BATF: variants seen among roughly 807,000 people sequenced by gnomAD.
The protein encoded by BATF is basic leucine zipper transcriptional factor ATF-like.
BATF carries 5 observed loss-of-function variants against 13.7 expected under a neutral mutation model. The observed-to-expected ratio is 0.36, with a 90% confidence interval of 0.19 to 0.77. BATF has a LOEUF of 0.77. Among genes scored for constraint, BATF ranks in the 30% least tolerant of loss-of-function variants. The pLI, the probability that BATF is intolerant of heterozygous loss-of-function variation, is 0.51. For missense variants in BATF, 124 were observed against 163.0 expected (o/e 0.76, Z 1.30); for synonymous variants, 72 against 67.5 (o/e 1.07, Z -0.33).
intron 2 of BATF, among the ~76,000 whole-genome samples, chr14:75,533,028 G>T (rs923388987): frequency 6.6e-6 from 1 of 152,044 alleles, no homozygotes; most frequent in Non-Finnish European, 1.5e-5. Context: ...TAAAAATTAG[G>T]CTATTTTCAT....
intron 2 of BATF, among the ~76,000 whole-genome samples, chr14:75,538,449 A>G (rs1887847619): frequency 6.6e-6 from 1 of 152,214 alleles, no homozygotes; most frequent in African/African-American, 2.4e-5. Flanking sequence ...GCCAGGGTTG[A>G]GAATCAGAAG....
At chr14:75,531,783 C>T (rs1168741962) in intron 2 of BATF, among the ~76,000 whole-genome samples, 2 of 152,138 alleles carry the variant, frequency 1.3e-5, no homozygotes. Flanking sequence ...CACTATTGTT[C>T]TTGGCCTTCT....
rs767726640 is a variant in BATF at position 75,525,137 on chromosome 14, C to G, written c.117C>G (p.Ala39=). The G allele has an allele frequency of 6.2e-7, 1 of 1,613,964 alleles. No individual in the cohort carries two copies. Among genetic ancestry groups the G allele is most frequent in the East Asian group, 2.2e-5 (1 of 44,876 alleles). Residue 39 remains alanine (A), a synonymous_variant, in exon 2 of 3, where the codon GCC becomes GCG. Transcript: ENST00000286639. ...AGAGGAGGGAGAAAAATCGTATTGC[C>G]GCCCAGAAGAGCCGACAGAGGCAGA... The part of the protein sequence containing the change: ...RVQRREKNRI[A]AQKSRQRQTQ...
At chr14:75,525,524 CATG>C (rs1253315138) in intron 2 of BATF, among the ~76,000 whole-genome samples, 1 of 151,848 alleles carries the variant, frequency 6.6e-6, no homozygotes, top group Non-Finnish European at 1.5e-5. Context: ...ATTAGCCAGG[CATG>C]GTGGTGCATG....
chr14:75,526,901 A>G (rs1465199757), intron 2 of BATF, among the ~76,000 whole-genome samples: 2 of 152,224 alleles, frequency 1.3e-5, no homozygotes, highest in Non-Finnish European at 2.9e-5. Context: ...AAAGGATAAA[A>G]TCTTCCTTGT....
chr14:75,545,644 A>G (rs1887971229), intron 2 of BATF, among the ~76,000 whole-genome samples: 1 of 152,100 alleles, frequency 6.6e-6, no homozygotes, highest in South Asian at 2.1e-4. Context: ...GCTTTTGGAA[A>G]ACACGTGGCA....
At chr14:75,523,677 A>G (rs1026050660) in intron 1 of BATF, among the ~76,000 whole-genome samples, 7 of 152,172 alleles carry the variant, frequency 4.6e-5, no homozygotes, top group Admixed American at 3.9e-4. Flanking sequence ...AATTTTCTCA[A>G]CCTTCATAGT....
chr14:75,525,665 A>G (rs1206045708), intron 2 of BATF, among the ~76,000 whole-genome samples: 2 of 151,760 alleles, frequency 1.3e-5, no homozygotes, highest in African/African-American at 4.8e-5. Flanking sequence ...ATCTCAAAAA[A>G]AAAAAAAAAA....
At chr14:75,525,697 G>A (rs975969655) in intron 2 of BATF, among the ~76,000 whole-genome samples, 1 of 151,958 alleles carries the variant, frequency 6.6e-6, no homozygotes, top group Non-Finnish European at 1.5e-5. Flanking sequence ...TCTGTAGCAG[G>A]GAATGGGCCA....
chr14:75,533,319 T>A (rs1887766100), intron 2 of BATF, among the ~76,000 whole-genome samples: 1 of 151,060 alleles, frequency 6.6e-6, no homozygotes, highest in Non-Finnish European at 1.5e-5. Flanking sequence ...TCCCAGCTAC[T>A]CGGGAGGATG....
At chr14:75,525,278 T>C in intron 2 of BATF, 90 bp downstream of exon 2, 1 of 1,355,112 alleles carries the variant, frequency 7.4e-7, no homozygotes, top group Non-Finnish European at 1.0e-6. Context: ...TTGATTCTGC[T>C]TGTGTGGGGA....
At chr14:75,538,957 T>C (rs1887857712) in intron 2 of BATF, among the ~76,000 whole-genome samples, 1 of 152,202 alleles carries the variant, frequency 6.6e-6, no homozygotes, top group Non-Finnish European at 1.5e-5. Flanking sequence ...ATGGCAGTTA[T>C]TATTTGTTTT....
chr14:75,528,470 A>G (rs947944558), intron 2 of BATF, among the ~76,000 whole-genome samples: 2 of 152,204 alleles, frequency 1.3e-5, no homozygotes, highest in Non-Finnish European at 2.9e-5. Flanking sequence ...GAGTAGGGAG[A>G]GAGCCTCTTT....
chr14:75,543,252 T>C (rs1887925349), intron 2 of BATF, among the ~76,000 whole-genome samples: 1 of 152,242 alleles, frequency 6.6e-6, no homozygotes, highest in Non-Finnish European at 1.5e-5. Context: ...GGCAGGGCTG[T>C]GACTCCATCA....
intron 2 of BATF, among the ~76,000 whole-genome samples, chr14:75,540,264 C>G (rs1887877400): frequency 6.6e-6 from 1 of 152,104 alleles, no homozygotes; most frequent in Non-Finnish European, 1.5e-5. Context: ...GAGGGAACTG[C>G]CTGGGGATTC....
intron 2 of BATF, among the ~76,000 whole-genome samples, chr14:75,525,398 C>A (rs1011819558): frequency 1.3e-5 from 2 of 152,016 alleles, no homozygotes; most frequent in Admixed American, 6.5e-5. Context: ...CGTGGTGGCT[C>A]ACACCTGTAA....
At chr14:75,527,039 C>T (rs1395208592) in intron 2 of BATF, among the ~76,000 whole-genome samples, 1 of 152,148 alleles carries the variant, frequency 6.6e-6, no homozygotes, top group East Asian at 1.9e-4. Context: ...GAATCCCAGC[C>T]CTGCTGCCTA....
At chr14:75,542,928 G>A (rs1595009153) in intron 2 of BATF, among the ~76,000 whole-genome samples, 1 of 152,204 alleles carries the variant, frequency 6.6e-6, no homozygotes, top group African/African-American at 2.4e-5. Context: ...GTCACTTCCC[G>A]AAAGCTGGGC....
intron 2 of BATF, among the ~76,000 whole-genome samples, chr14:75,533,323 G>A (rs1887766274): frequency 6.6e-6 from 1 of 151,682 alleles, no homozygotes; most frequent in Non-Finnish European, 1.5e-5. Flanking sequence ...AGCTACTCGG[G>A]AGGATGAGGC....
Sources: allele counts gnomAD v4.1 joint callset (sites outside exome capture counted in the v4.1 genomes callset), GRCh38; gene constraint gnomAD v4.1.1; transcripts MANE v1.5; gene names NCBI Gene and HGNC (gene_info 2026-07-23, HGNC 2026-07-21).